The following NDUFA10 variants were observed in gnomAD, a reference collection of about 807,000 sequenced individuals.
NDUFA10 encodes the protein NADH:ubiquinone oxidoreductase subunit A10.
NDUFA10 carries 40 observed loss-of-function variants against 47.8 expected under a neutral mutation model. That is an observed-to-expected ratio of 0.84 (90% CI 0.65 to 1.09). The LOEUF (loss-of-function observed/expected upper bound fraction) is 1.09. Ranked by LOEUF, NDUFA10 falls within the 50% of genes least tolerant of loss-of-function variation. The pLI, the probability that NDUFA10 is intolerant of heterozygous loss-of-function variation, is 0.00. For missense variants in NDUFA10, 413 were observed against 451.1 expected, an observed-to-expected ratio of 0.92 and a Z score of 0.76; for synonymous variants, 183 against 172.2, an observed-to-expected ratio of 1.06 and a Z score of -0.49.
Position 239,961,061 on chromosome 2 carries a change from T to C in NDUFA10, c.*57A>G. 1.9e-6 allele frequency: 3 copies of C among 1,612,044 alleles called. No homozygotes were observed. The highest frequency in any genetic ancestry group is 1.7e-5 in the Admixed American group (1 of 59,882). On this transcript the variant is annotated 3_prime_UTR_variant, in exon 10 of 10. Coordinates refer to ENST00000252711, the MANE Select transcript of NDUFA10 (RefSeq NM_004544.4). Reference sequence around the variant, plus strand: ...TAAAGCTATATGGCGTCCAGGAGAGTGCGGCTGATGCAGCTTGGCCATCAC... The same window carrying C: ...TAAAGCTATATGGCGTCCAGGAGAGCGCGGCTGATGCAGCTTGGCCATCAC...
rs542077246 is a variant in NDUFA10 at position 239,910,158 on chromosome 2, G to A, written c.295-14844C>T. On this transcript the variant is annotated intron_variant, in intron 4 of 5. Coordinates refer to the NDUFA10 transcript ENST00000419408. ...CAACCATTGTGGAAGACAGTGTGGC[G>A]ATTCCTCAAAGATCCAGAAGCAGAA... Among the ~76,000 whole-genome samples the A allele has an allele frequency of 3.5e-4, 53 of 152,276 alleles. No homozygotes were observed. In the South Asian group the frequency reaches 0.01, roughly 30 times the overall value.
rs559125304 is a variant in NDUFA10, at chr2:239,960,209, C to G, written c.*909G>C. The G allele has an allele frequency of 3.0e-4, 299 of 985,022 alleles. No homozygotes were observed. Among genetic ancestry groups the G allele is most frequent in the Non-Finnish European group, 3.5e-4 (291 of 829,926 alleles). The allele number at this position is 985,022 out of a possible 1,614,324, so 61.0% of individuals were successfully genotyped here. A position where few individuals can be genotyped will look rare whatever the true frequency, so the allele number is the denominator to read the frequency against. ...CACAGTGGAGCTTTACAGTGGAAAACCCACAGTTCAGTAGGACTCACAACT... is the reference window on the plus strand; with the variant it reads ...CACAGTGGAGCTTTACAGTGGAAAAGCCACAGTTCAGTAGGACTCACAACT... On this transcript the variant is annotated 3_prime_UTR_variant, in exon 10 of 10. Coordinates refer to ENST00000252711, the MANE Select transcript of NDUFA10 (RefSeq NM_004544.4).
At chr2:239,904,120 C>T (rs924467157) in intron 4 of NDUFA10, among the ~76,000 whole-genome samples, 1 of 151,996 alleles carries the variant, frequency 6.6e-6, no homozygotes, top group Non-Finnish European at 1.5e-5. Context: ...GGGGTGGGGG[C>T]CTATCTCAGA....
chr2:239,908,527 C>T (rs1348874162), intron 4 of NDUFA10, among the ~76,000 whole-genome samples: 2 of 152,226 alleles, frequency 1.3e-5, no homozygotes, highest in African/African-American at 2.4e-5. Flanking sequence ...AGGCAGCTCC[C>T]TTCCTGTCCC....
chr2:239,903,540 A>C (rs527607901), intron 4 of NDUFA10, among the ~76,000 whole-genome samples: 1 of 152,362 alleles, frequency 6.6e-6, no homozygotes, highest in South Asian at 2.1e-4. Context: ...GCCAGACATA[A>C]GGCGTGAGCA....
chr2:239,908,384 C>T (rs141974729), intron 4 of NDUFA10, among the ~76,000 whole-genome samples: 7,540 of 152,218 alleles, frequency 0.05, 388 homozygotes, highest in African/African-American at 0.13. Flanking sequence ...TACCCTAGAA[C>T]GTAAAGCATA....
chr2:239,893,449 T>C (rs753442911), intron 5 of NDUFA10, among the ~76,000 whole-genome samples: 2 of 152,138 alleles, frequency 1.3e-5, no homozygotes, highest in Non-Finnish European at 2.9e-5. Flanking sequence ...ACAGACTAGA[T>C]AGATTATAGA....
intron 9 of NDUFA10, among the ~76,000 whole-genome samples, chr2:239,963,196 G>T (rs1347777594): frequency 1.3e-5 from 2 of 152,238 alleles, no homozygotes; most frequent in African/African-American, 4.8e-5. Flanking sequence ...GAAATCTGAA[G>T]AGAGACTGAG....
chr2:239,922,704 AGGGACACC>A (rs1694008878), intron 4 of NDUFA10, among the ~76,000 whole-genome samples: 1 of 152,236 alleles, frequency 6.6e-6, no homozygotes, highest in African/African-American at 2.4e-5. Context: ...CTATGATTCC[AGGGACACC>A]TGGTTTAAAA....
intron 4 of NDUFA10, among the ~76,000 whole-genome samples, chr2:239,914,476 CA>C (rs561879251): frequency 6.0e-4 from 84 of 141,020 alleles, no homozygotes; most frequent in African/African-American, 2.2e-3. Flanking sequence ...CAGACACACA[CA>C]AATATAGACA....
At chr2:239,912,854 C>T (rs2106472818) in intron 4 of NDUFA10, among the ~76,000 whole-genome samples, 1 of 152,336 alleles carries the variant, frequency 6.6e-6, no homozygotes, top group Non-Finnish European at 1.5e-5. Context: ...TCCATCGGGT[C>T]CACGTGCTGC....
In NDUFA10 at chr2:240,016,249, C is replaced by T. The variant is rs960143812; in HGVS notation, c.548-1389G>A. On this transcript the variant is annotated intron_variant, in intron 4 of 9. Coordinates refer to ENST00000252711, the MANE Select transcript of NDUFA10 (RefSeq NM_004544.4). The surrounding 1 kb of genome is among the most constrained non-coding windows in gnomAD (Gnocchi z 4.4). ...AGTACCGTTCACCTGAGCATACAAA[C>T]ACAAACCCGCAGCCAGGCAGAGCAC... 6.6e-6 allele frequency among the ~76,000 whole-genome samples: 1 copy of T among 152,130 alleles called. No homozygotes were observed. Among genetic ancestry groups the T allele is most frequent in the Admixed American group, 6.5e-5 (1 of 15,280 alleles).
chr2:239,946,406 C>T (rs4077905), intron 4 of NDUFA10, among the ~76,000 whole-genome samples: 5 of 152,294 alleles, frequency 3.3e-5, no homozygotes, highest in African/African-American at 9.6e-5. Context: ...AGCTCGTTAA[C>T]CCGCATGCTC....
Position 239,983,616 on chromosome 2 carries a change from G to GC in NDUFA10, c.999+6457dup, listed in dbSNP as rs1235972661. 4.4e-6 allele frequency: 7 copies of GC among 1,590,358 alleles called. No homozygotes were observed. The South Asian group carries it at 8.0e-5, about 18-fold the overall frequency. On this transcript the variant is annotated intron_variant, in intron 9 of 9. Transcript: ENST00000252711. ...CCAGCAAGCACGACCTCAGCCAGGA[G>GC]CCCACGGTCAGGGCCACGGTGCCAG...
chr2:239,993,776 G>A (rs1696351603), intron 8 of NDUFA10, among the ~76,000 whole-genome samples: 1 of 152,168 alleles, frequency 6.6e-6, no homozygotes, highest in African/African-American at 2.4e-5. Flanking sequence ...ACACTGACCT[G>A]CAGGGTGTGA....
At chr2:239,983,924 A>G (rs1695896371) in intron 9 of NDUFA10, among the ~76,000 whole-genome samples, 1 of 152,182 alleles carries the variant, frequency 6.6e-6, no homozygotes, top group Admixed American at 6.5e-5. Flanking sequence ...TGAATAATTC[A>G]AAGTGTGGGC....
At position 240,014,803 on chromosome 2, in the gene NDUFA10, T is replaced by TG. The variant is rs746019378; in HGVS notation, c.604dup (p.His202ProfsTer25). ...GGGCACATCGATGTAAATCACCAGG[T>TG]GGGGGGGCAGGTAATCGCAGATGGT... is the stretch of plus-strand genomic sequence containing the variant. On this transcript the variant is annotated frameshift_variant, in exon 5 of 10. Transcript: ENST00000252711. LOFTEE classifies it high-confidence loss of function. The TG allele has an allele frequency of 4.2e-5, 68 of 1,613,826 alleles. No individual in the cohort carries two copies. The highest frequency in any genetic ancestry group is 5.0e-5 in the Admixed American group (3 of 59,994).
At chr2:239,931,124 G>A (rs1401648424) in intron 4 of NDUFA10, among the ~76,000 whole-genome samples, 2 of 152,226 alleles carry the variant, frequency 1.3e-5, no homozygotes, top group Non-Finnish European at 2.9e-5. Context: ...GCTTTTCCCT[G>A]TGAGCATCTG....
intron 4 of NDUFA10, among the ~76,000 whole-genome samples, chr2:239,951,240 C>A (rs567097384): frequency 4.1e-4 from 63 of 152,336 alleles, no homozygotes; most frequent in Admixed American, 3.2e-3. Context: ...GGGGTGCCCA[C>A]AGGGCGTGCG....
Sources: allele counts gnomAD v4.1 joint callset (sites outside exome capture counted in the v4.1 genomes callset), GRCh38; gene constraint gnomAD v4.1.1; non-coding constraint Gnocchi (gnomAD v3.1); transcripts MANE v1.5; gene names NCBI Gene and HGNC (gene_info 2026-07-23, HGNC 2026-07-21).